Variants in HDX observed in about 807,000 individuals in gnomAD.
The protein encoded by HDX is highly divergent homeobox.
Under a neutral mutation model 45.2 loss-of-function variants are expected in HDX, and 19 were observed. That is an observed-to-expected ratio of 0.42 (90% CI 0.29 to 0.62). HDX has a LOEUF of 0.62. Among genes scored for constraint, HDX ranks in the 20% least tolerant of loss-of-function variants. The pLI is 0.20. For synonymous variants in HDX, 188 were observed against 172.8 expected (o/e 1.09, Z -0.69); for missense variants, 532 against 493.9 (o/e 1.08, Z -0.73).
chrX:84,380,519 G>T (rs1481216883), intron 5 of HDX, among the ~76,000 whole-genome samples: 1 of 110,849 alleles, frequency 9.0e-6, no homozygotes, highest in South Asian at 3.7e-4. Context: ...TAGAAATATC[G>T]TTCATCCTGA....
chrX:84,435,310 A>G (rs1461624775), intron 5 of HDX, among the ~76,000 whole-genome samples: 1 of 111,502 alleles, frequency 9.0e-6, no homozygotes. Flanking sequence ...TCTGATGGCC[A>G]GTGATCATGA....
intron 4 of HDX, among the ~76,000 whole-genome samples, chrX:84,463,335 G>C (rs946632225): frequency 1.4e-4 from 16 of 111,073 alleles, no homozygotes; most frequent in African/African-American, 5.2e-4. Context: ...AATAACATTT[G>C]AGTTGGTTTA....
At chrX:84,385,496 A>G (rs768481826) in intron 5 of HDX, among the ~76,000 whole-genome samples, 6 of 109,884 alleles carry the variant, frequency 5.5e-5, no homozygotes, top group African/African-American at 2.0e-4. Flanking sequence ...TACAGGCGTG[A>G]GCCACCGCGC....
chrX:84,423,483 CAAA>C (rs538893311), intron 5 of HDX, among the ~76,000 whole-genome samples: 94 of 59,497 alleles, frequency 1.6e-3, no homozygotes, highest in African/African-American at 5.9e-3. Context: ...ACAGAAACAT[CAAA>C]AAAAAAAAAA....
intron 5 of HDX, among the ~76,000 whole-genome samples, chrX:84,438,429 A>T (rs2039686652): frequency 9.0e-6 from 1 of 110,807 alleles, no homozygotes; most frequent in Non-Finnish European, 1.9e-5. Flanking sequence ...TATAAATTAA[A>T]GTGTACATGT....
rs73505177 is a variant in HDX at position 84,318,080 on chromosome X, A to G, written c.*3809T>C. 4.3e-4 allele frequency: 48 copies of G among 111,354 alleles called. No individual in the cohort carries two copies. Among genetic ancestry groups the G allele is most frequent in the African/African-American group, 1.5e-3 (46 of 30,839 alleles). 9.2% of individuals were successfully genotyped at this position (111,354 alleles called of 1,213,427 possible). On this transcript the variant is annotated 3_prime_UTR_variant, in exon 11 of 11. Coordinates refer to ENST00000373177, the MANE Select transcript of HDX (RefSeq NM_001177479.2). ...GTGTGGAGCAATATACACTCAGTATATATTTTAATGAAACAATTTTAATTA... is the reference window on the plus strand; with the variant it reads ...GTGTGGAGCAATATACACTCAGTATGTATTTTAATGAAACAATTTTAATTA...
chrX:84,320,113 G>A lies in HDX; in HGVS notation c.*1776C>T, dbSNP rs2036569077. The A allele has an allele frequency of 9.0e-6, 1 of 111,130 alleles. No homozygotes were observed. Among genetic ancestry groups the A allele is most frequent in the Admixed American group, 9.6e-5 (1 of 10,432 alleles). 9.2% of individuals were successfully genotyped at this position (111,130 alleles called of 1,213,427 possible). The stretch of plus-strand genomic sequence containing the variant: ...TTAATAAGTGGTTTCTAACTTCGTT[G>A]TATATGGGGGCGACTCTTCATCTCA... On this transcript the variant is annotated 3_prime_UTR_variant, in exon 11 of 11. Transcript: ENST00000373177.
At chrX:84,408,509 T>TG (rs2038892063) in intron 5 of HDX, among the ~76,000 whole-genome samples, 5 of 94,341 alleles carry the variant, frequency 5.3e-5, no homozygotes, top group Admixed American at 4.7e-4. Context: ...GTTTTTTTTT[T>TG]TTTTTTTTTT....
chrX:84,415,714 T>C (rs1441566523), intron 5 of HDX, among the ~76,000 whole-genome samples: 4 of 112,651 alleles, frequency 3.6e-5, no homozygotes, highest in African/African-American at 1.3e-4. Context: ...TTTCATCTGA[T>C]GTGTTTTCTG....
chrX:84,411,204 T>C (rs1187114044), intron 5 of HDX, among the ~76,000 whole-genome samples: 4 of 111,610 alleles, frequency 3.6e-5, no homozygotes, highest in Non-Finnish European at 7.5e-5. Flanking sequence ...TCTGCTGGTT[T>C]GGGGATTTAT....
chrX:84,497,676 A>T (rs2041030866), intron 1 of HDX, among the ~76,000 whole-genome samples: 1 of 74,927 alleles, frequency 1.3e-5, no homozygotes, highest in Non-Finnish European at 2.6e-5. Flanking sequence ...AGGGGAAAAT[A>T]TACATGTTAT....
At chrX:84,418,501 G>A (rs776470662) in intron 5 of HDX, among the ~76,000 whole-genome samples, 2 of 111,652 alleles carry the variant, frequency 1.8e-5, no homozygotes, top group African/African-American at 6.5e-5. Context: ...CGGTGAAAAT[G>A]GCAATTACTT....
intron 5 of HDX, among the ~76,000 whole-genome samples, chrX:84,366,276 G>T (rs1410444677): frequency 9.0e-6 from 1 of 111,294 alleles, no homozygotes; most frequent in Non-Finnish European, 1.9e-5. Flanking sequence ...CAACTTACAA[G>T]GGATGTGAAG....
chrX:84,482,661 A>T (rs2040712798), intron 2 of HDX, among the ~76,000 whole-genome samples: 1 of 111,104 alleles, frequency 9.0e-6, no homozygotes, highest in African/African-American at 3.3e-5. Context: ...TTTGGTGGGG[A>T]CACAGCCAAA....
At chrX:84,341,980 C>A (rs749230774) in intron 7 of HDX, among the ~76,000 whole-genome samples, 108 of 111,604 alleles carry the variant, frequency 9.7e-4, no homozygotes, top group Non-Finnish European at 1.7e-3. Context: ...TCCTCCAATG[C>A]CCAAATCTGG....
intron 6 of HDX, among the ~76,000 whole-genome samples, chrX:84,355,544 T>A (rs1450332434): frequency 9.0e-6 from 1 of 110,838 alleles, no homozygotes; most frequent in African/African-American, 3.3e-5. Context: ...AAATGATGAG[T>A]TCAGGTCCTT....
rs2040392461 is a variant in HDX, at chrX:84,468,331, T to C, written c.1251+141A>G. Reference sequence around the variant, plus strand: ...CATGAGAAACAAAGAACAAGATTCTTCAAGGAGTTAACCCCAAACCACCAC... The same window carrying C: ...CATGAGAAACAAAGAACAAGATTCTCCAAGGAGTTAACCCCAAACCACCAC... On this transcript the variant is annotated intron_variant, in intron 4 of 10. Coordinates refer to ENST00000373177, the MANE Select transcript of HDX (RefSeq NM_001177479.2). The C allele has an allele frequency of 1.6e-5, 6 of 383,909 alleles. No individual in the cohort carries two copies. In the South Asian group the frequency reaches 4.1e-4, roughly 26 times the overall value. The allele number at this position is 383,909 out of a possible 1,213,427, so 31.6% of individuals were successfully genotyped here.
At chrX:84,440,413 T>G in intron 5 of HDX, 119 bp downstream of exon 5, 1 of 506,946 alleles carries the variant, frequency 2.0e-6, no homozygotes, top group Non-Finnish European at 3.5e-6. Flanking sequence ...TTTGAGACAA[T>G]GTAGTCCTAT....
chrX:84,410,813 G>A (rs184382278), intron 5 of HDX, among the ~76,000 whole-genome samples: 1 of 111,416 alleles, frequency 9.0e-6, no homozygotes, highest in East Asian at 2.8e-4. Context: ...TTTCTTATAG[G>A]TAGGCTTTCT....
Sources: allele counts gnomAD v4.1 joint callset (sites outside exome capture counted in the v4.1 genomes callset), GRCh38; gene constraint gnomAD v4.1.1; transcripts MANE v1.5; gene names NCBI Gene and HGNC (gene_info 2026-07-23, HGNC 2026-07-21).